ARHGAP24: variants seen among roughly 807,000 people sequenced by gnomAD.
The protein encoded by ARHGAP24 is rho GTPase-activating protein 24.
Under a neutral mutation model 76.4 loss-of-function variants are expected in ARHGAP24, and 50 were observed. The observed-to-expected ratio is 0.65, with a 90% CI of 0.52 to 0.83. The LOEUF (loss-of-function observed/expected upper bound fraction) is 0.83, where lower values mean the gene tolerates loss of function less well. Among genes scored for constraint, ARHGAP24 ranks in the 40% least tolerant of loss-of-function variants. The pLI is 0.00. For missense variants in ARHGAP24, 930 were observed against 914.2 expected (o/e 1.02, Z -0.22); for synonymous variants, 345 against 323.3 (o/e 1.07, Z -0.72).
chr4:85,766,294 T>C (rs540178108), intron 3 of ARHGAP24, among the ~76,000 whole-genome samples: 2 of 152,236 alleles, frequency 1.3e-5, no homozygotes, highest in Non-Finnish European at 2.9e-5. Context: ...ATAACAATAT[T>C]AAAAGAAGAG....
At chr4:85,842,836 A>T (rs1418739499) in intron 3 of ARHGAP24, among the ~76,000 whole-genome samples, 1 of 152,214 alleles carries the variant, frequency 6.6e-6, no homozygotes, top group Non-Finnish European at 1.5e-5. Context: ...TGCCAAATGC[A>T]TCGTGTAAGT....
chr4:85,695,330 AG>A, intron 2 of ARHGAP24, among the ~76,000 whole-genome samples: 1 of 152,370 alleles, frequency 6.6e-6, no homozygotes, highest in Non-Finnish European at 1.5e-5. Context: ...CAATAAAGAC[AG>A]GGTTTGCCTT....
chr4:85,612,478 A>G (rs1043372766), intron 2 of ARHGAP24, among the ~76,000 whole-genome samples: 2 of 152,018 alleles, frequency 1.3e-5, no homozygotes, highest in South Asian at 4.2e-4. Context: ...AAAAGCATCC[A>G]AGTAGCAAAA....
At chr4:85,914,631 A>T (rs1166180299) in intron 3 of ARHGAP24, among the ~76,000 whole-genome samples, 1 of 152,124 alleles carries the variant, frequency 6.6e-6, no homozygotes, top group Non-Finnish European at 1.5e-5. Context: ...ACTTATTGAG[A>T]CCTTCTTGTT....
rs116018352 is a variant in ARHGAP24, at chr4:85,507,217, A to T, written c.-21+31658A>T. 7.1e-3 allele frequency among the ~76,000 whole-genome samples: 1,071 copies of T among 151,720 alleles called. 10 individuals carry two copies. Among genetic ancestry groups the T allele is most frequent in the African/African-American group, 0.024 (992 of 41,358 alleles). On this transcript the variant is annotated intron_variant, in intron 1 of 9. Coordinates refer to ENST00000395184, the MANE Select transcript of ARHGAP24 (RefSeq NM_001025616.3). The stretch of plus-strand genomic sequence containing the variant: ...TTTACTTGTCTTTTAAAAATATTTT[A>T]TTATTATTATTATTTTTTTTTAGAG...
intron 2 of ARHGAP24, among the ~76,000 whole-genome samples, chr4:85,619,761 T>C (rs1278089293): frequency 6.6e-6 from 1 of 152,016 alleles, no homozygotes; most frequent in African/African-American, 2.4e-5. Context: ...AGTTTATTGT[T>C]AGTGTATAGA....
rs1280729810 is a variant in ARHGAP24 at position 85,683,112 on chromosome 4, G to GGGGGGC, written c.181-38769_181-38768insGCGGGG. The stretch of plus-strand genomic sequence containing the variant: ...AACTCTTAACTCTCTCAGTGTGTGG[G>GGGGGGC]GGGGTGGGGGGGGGGTGCGGGGGCT... On this transcript the variant is annotated intron_variant, in intron 2 of 9. Transcript: ENST00000395184. Among the ~76,000 whole-genome samples the GGGGGGC allele has an allele frequency of 1.4e-4, 15 of 103,516 alleles. 1 individual carries two copies. Among genetic ancestry groups the GGGGGGC allele is most frequent in the Non-Finnish European group, 2.7e-4 (14 of 50,982 alleles). 67.9% of individuals were successfully genotyped at this position (103,516 alleles called of 152,430 possible). A position where few individuals can be genotyped will look rare whatever the true frequency, so the allele number is the denominator to read the frequency against.
intron 3 of ARHGAP24, among the ~76,000 whole-genome samples, chr4:85,794,396 G>GTA: frequency 6.6e-6 from 1 of 152,312 alleles, no homozygotes; most frequent in Non-Finnish European, 1.5e-5. Context: ...TCAATGATGT[G>GTA]TACAAAGGGA....
At chr4:85,703,183 C>G (rs945911168) in intron 2 of ARHGAP24, among the ~76,000 whole-genome samples, 1 of 152,114 alleles carries the variant, frequency 6.6e-6, no homozygotes, top group Non-Finnish European at 1.5e-5. Context: ...GCCTGGTCAC[C>G]AAGACCATAG....
At chr4:85,882,971 A>G (rs561971643) in intron 3 of ARHGAP24, among the ~76,000 whole-genome samples, 29 of 152,192 alleles carry the variant, frequency 1.9e-4, no homozygotes, top group Admixed American at 4.6e-4. Flanking sequence ...GGAAGAAAGA[A>G]CTTGCTGGAC....
intron 1 of ARHGAP24, among the ~76,000 whole-genome samples, chr4:85,508,788 C>T (rs1231062467): frequency 6.6e-6 from 1 of 152,132 alleles, no homozygotes; most frequent in Non-Finnish European, 1.5e-5. Context: ...ACTTGACAAC[C>T]AAACTGGCCG....
intron 2 of ARHGAP24, among the ~76,000 whole-genome samples, chr4:85,641,234 T>G (rs1333059760): frequency 6.6e-6 from 1 of 152,158 alleles, no homozygotes; most frequent in African/African-American, 2.4e-5. Context: ...GTAGTGGGAC[T>G]CAGGTGTGCA....
At chr4:85,492,223 A>C (rs143992779) in intron 1 of ARHGAP24, among the ~76,000 whole-genome samples, 2 of 151,706 alleles carry the variant, frequency 1.3e-5, no homozygotes, top group Non-Finnish European at 2.9e-5. Flanking sequence ...CCTTCTTCTT[A>C]TTATTACTGG....
intron 3 of ARHGAP24, among the ~76,000 whole-genome samples, chr4:85,898,830 C>G (rs117916630): frequency 0.016 from 2,393 of 152,172 alleles, 45 homozygotes; most frequent in East Asian, 0.11. Flanking sequence ...CTGCAACTTC[C>G]GCCTCCCGGT....
chr4:85,497,971 A>C (rs1286565526), intron 1 of ARHGAP24, among the ~76,000 whole-genome samples: 2 of 152,178 alleles, frequency 1.3e-5, no homozygotes, highest in Non-Finnish European at 2.9e-5. Context: ...CCAACTTGTA[A>C]ATTTCTATTC....
chr4:85,792,020 T>C (rs1728153398), intron 3 of ARHGAP24, among the ~76,000 whole-genome samples: 1 of 152,042 alleles, frequency 6.6e-6, no homozygotes, highest in Non-Finnish European at 1.5e-5. Flanking sequence ...ACTGAAAAAT[T>C]TGTGTTCTTG....
chr4:85,530,910 T>C (rs1159058833), intron 1 of ARHGAP24, among the ~76,000 whole-genome samples: 1 of 152,078 alleles, frequency 6.6e-6, no homozygotes, highest in Non-Finnish European at 1.5e-5. Flanking sequence ...ATTTGCATAA[T>C]GTGCAGGGAC....
chr4:85,665,457 A>G (rs962531090), intron 2 of ARHGAP24, among the ~76,000 whole-genome samples: 14 of 151,800 alleles, frequency 9.2e-5, no homozygotes. Flanking sequence ...ATGGGTCTTG[A>G]CTCCTTATCC....
At chr4:85,766,840 C>T (rs1274230270) in intron 3 of ARHGAP24, among the ~76,000 whole-genome samples, 2 of 152,140 alleles carry the variant, frequency 1.3e-5, no homozygotes, top group African/African-American at 2.4e-5. Flanking sequence ...AAAACTCTCA[C>T]AATTTTAATA....
Sources: gnomAD v4.1 joint callset for allele counts (sites outside exome capture counted in the v4.1 genomes callset) on GRCh38, gnomAD v4.1.1 for gene constraint, MANE v1.5 for transcripts, NCBI Gene and HGNC (gene_info 2026-07-23, HGNC 2026-07-21) for gene names.